CGRRF1: variants seen among roughly 807,000 people sequenced by gnomAD.
CGRRF1 encodes the protein cell growth regulator with ring finger domain 1.
Under a neutral mutation model 37.2 loss-of-function variants are expected in CGRRF1, and 32 were observed. The observed-to-expected ratio is 0.86, with a 90% CI of 0.65 to 1.16. The LOEUF (loss-of-function observed/expected upper bound fraction) is 1.16. CGRRF1 is among the 50% of genes most tolerant of loss of function. The probability of loss-of-function intolerance (pLI) is 0.00; values close to 1 mark genes in which losing one functional copy is unlikely to be tolerated. For missense variants in CGRRF1, 391 were observed against 382.6 expected (o/e 1.02, Z -0.18); for synonymous variants, 141 against 140.3 (o/e 1.00, Z -0.04).
chr14:54,511,853 G>A (rs1190727600), intron 1 of CGRRF1, among the ~76,000 whole-genome samples: 1 of 152,222 alleles, frequency 6.6e-6, no homozygotes, highest in Admixed American at 6.5e-5. Context: ...GAGGCCACAA[G>A]ACCATGTAAA....
intron 1 of CGRRF1, among the ~76,000 whole-genome samples, chr14:54,514,760 A>C (rs1285430514): frequency 6.6e-6 from 1 of 152,216 alleles, no homozygotes; most frequent in Admixed American, 6.5e-5. Context: ...CCTTGTAAGT[A>C]CTGCTTTATC....
chr14:54,516,114 C>A (rs2032211725), intron 1 of CGRRF1, among the ~76,000 whole-genome samples: 1 of 152,036 alleles, frequency 6.6e-6, no homozygotes, highest in African/African-American at 2.4e-5. Flanking sequence ...GGTTTATTAG[C>A]AATAACTTTT....
intron 1 of CGRRF1, among the ~76,000 whole-genome samples, chr14:54,510,611 A>G (rs1403561347): frequency 6.6e-6 from 1 of 152,194 alleles, no homozygotes. Flanking sequence ...TTTTGAAGTA[A>G]TATTTAGTCG....
chr14:54,526,470 A>T (rs1401785588), intron 2 of CGRRF1, among the ~76,000 whole-genome samples: 2 of 148,940 alleles, frequency 1.3e-5, no homozygotes, highest in South Asian at 2.1e-4. Flanking sequence ...ATTTATAATT[A>T]AAAAAAAAAG....
intron 1 of CGRRF1, among the ~76,000 whole-genome samples, chr14:54,517,524 T>C (rs1310717348): frequency 1.3e-5 from 2 of 152,238 alleles, no homozygotes; most frequent in African/African-American, 2.4e-5. Context: ...TTCGTTTTGT[T>C]TTGTTACTTT....
chr14:54,530,075 C>T lies in CGRRF1; in HGVS notation c.271C>T (p.Leu91Phe). ...TGGCATAACCTTGACAACAGATTGC[C>T]TTGAAGATAGCCTCCTTACATGCTA... ...TTGITLTTDC[L>F]EDSLLTCYWG... Residue 91 changes from leucine to phenylalanine, a missense_variant, in exon 3 of 6, where the codon CTT becomes TTT. Coordinates refer to ENST00000216420, the MANE Select transcript of CGRRF1 (RefSeq NM_006568.3). 2 of 1,612,246 alleles carry T rather than the reference C, an allele frequency of 1.2e-6. No individual in the cohort carries two copies. Among genetic ancestry groups the T allele is most frequent in the Non-Finnish European group, 1.7e-6 (2 of 1,178,624 alleles).
intron 1 of CGRRF1, 104 bp downstream of exon 1, chr14:54,510,167 G>C (rs1265443244): frequency 1.2e-6 from 1 of 811,056 alleles, no homozygotes; most frequent in African/African-American, 1.7e-5. Flanking sequence ...GCCGGAGGAC[G>C]TCGGGGATTC....
chr14:54,510,419 G>C (rs771215805), intron 1 of CGRRF1, among the ~76,000 whole-genome samples: 1 of 152,188 alleles, frequency 6.6e-6, no homozygotes. Context: ...CCGGATTCGG[G>C]CCTACTGTGT....
At chr14:54,521,830 A>T (rs1369075774) in intron 1 of CGRRF1, among the ~76,000 whole-genome samples, 2 of 152,076 alleles carry the variant, frequency 1.3e-5, no homozygotes, top group African/African-American at 4.8e-5. Context: ...TTGAATATAT[A>T]TTTCTTTTTC....
At chr14:54,511,408 C>G (rs774030409) in intron 1 of CGRRF1, among the ~76,000 whole-genome samples, 2 of 152,124 alleles carry the variant, frequency 1.3e-5, no homozygotes, top group Non-Finnish European at 2.9e-5. Flanking sequence ...GTTCATTACA[C>G]AAAAGTTTGT....
In CGRRF1 at chr14:54,509,992, A is replaced by G. The variant is rs149160670; in HGVS notation, c.33A>G (p.Glu11=). The change falls in exon 1 of 6, where the codon GAA becomes GAG. Residue 11 remains glutamate, a synonymous_variant. Transcript: ENST00000216420. Reference sequence around the variant, plus strand: ...CGGTGTTTCTGGTAACGCTTTATGAATACTCGCCGCTTTTCTACATCGCGG... The same window carrying G: ...CGGTGTTTCTGGTAACGCTTTATGAGTACTCGCCGCTTTTCTACATCGCGG... The part of the protein sequence containing the change: MAAVFLVTLY[E]YSPLFYIAVV... The G allele has an allele frequency of 7.4e-6, 12 of 1,613,934 alleles. No individual in the cohort carries two copies. The highest frequency in any genetic ancestry group is 1.1e-5 in the South Asian group (1 of 91,076).
chr14:54,527,857 C>T (rs1008604839), intron 2 of CGRRF1, among the ~76,000 whole-genome samples: 1 of 151,898 alleles, frequency 6.6e-6, no homozygotes, highest in Admixed American at 6.6e-5. Flanking sequence ...CCTCCTACCT[C>T]AGCCTTCCAA....
At chr14:54,518,773 C>T (rs971199069) in intron 1 of CGRRF1, among the ~76,000 whole-genome samples, 6 of 151,990 alleles carry the variant, frequency 3.9e-5, no homozygotes, top group Admixed American at 3.3e-4. Flanking sequence ...ATGTGGTTTG[C>T]CTACTTTTTA....
At chr14:54,533,463 G>A (rs901914694) in intron 4 of CGRRF1, among the ~76,000 whole-genome samples, 10 of 151,774 alleles carry the variant, frequency 6.6e-5, no homozygotes, top group Admixed American at 6.6e-5. Flanking sequence ...CTTGCTTCTC[G>A]TCTTATTTCT....
chr14:54,524,502 C>G (rs2032379255), intron 2 of CGRRF1, among the ~76,000 whole-genome samples: 1 of 151,500 alleles, frequency 6.6e-6, no homozygotes, highest in Non-Finnish European at 1.5e-5. Context: ...CCTCCTGCCT[C>G]AGCCCCCTGA....
chr14:54,528,464 G>T (rs1402141157), intron 2 of CGRRF1, among the ~76,000 whole-genome samples: 4 of 151,836 alleles, frequency 2.6e-5, no homozygotes, highest in African/African-American at 9.7e-5. Context: ...ATTTTTGCTA[G>T]TAATACAATA....
At chr14:54,518,073 T>C (rs2032246776) in intron 1 of CGRRF1, among the ~76,000 whole-genome samples, 1 of 152,222 alleles carries the variant, frequency 6.6e-6, no homozygotes, top group Admixed American at 6.5e-5. Context: ...TGACTAGTGC[T>C]GAAATTAATA....
intron 2 of CGRRF1, among the ~76,000 whole-genome samples, chr14:54,526,752 G>A (rs1188368864): frequency 1.3e-5 from 2 of 152,046 alleles, no homozygotes; most frequent in African/African-American, 2.4e-5. Context: ...TAAAGCAAAA[G>A]GGTTAGAAAA....
intron 2 of CGRRF1, among the ~76,000 whole-genome samples, chr14:54,524,031 C>G (rs1426920780): frequency 6.6e-6 from 1 of 152,194 alleles, no homozygotes; most frequent in Non-Finnish European, 1.5e-5. Flanking sequence ...CTTCTCTTAG[C>G]CTGCTTCATT....
Sources: gnomAD v4.1 joint callset for allele counts (sites outside exome capture counted in the v4.1 genomes callset) on GRCh38, gnomAD v4.1.1 for gene constraint, MANE v1.5 for transcripts, NCBI Gene and HGNC (gene_info 2026-07-23, HGNC 2026-07-21) for gene names.